Variants in BST1 observed in about 807,000 individuals in gnomAD.
BST1 encodes ADP-ribosyl cyclase/cyclic ADP-ribose hydrolase 2.
BST1 carries 49 observed loss-of-function variants against 40.6 expected under a neutral mutation model. The observed-to-expected ratio is 1.21, with a 90% CI of 0.96 to 1.53. The LOEUF is 1.53. BST1 is among the 40% of genes most tolerant of loss of function. The pLI, the probability that BST1 is intolerant of heterozygous loss-of-function variation, is 0.00. For synonymous variants in BST1, 157 were observed against 159.3 expected, an observed-to-expected ratio of 0.99 and a Z score of 0.11; for missense variants, 423 against 395.9, an observed-to-expected ratio of 1.07 and a Z score of -0.58.
chr4:15,735,962 A>T (rs1231589981), downstream of BST1: 1 of 729,278 alleles, frequency 1.4e-6, no homozygotes, highest in East Asian at 6.8e-5. Flanking sequence ...ATACAGAAAA[A>T]TTAGGAAGAA....
At chr4:15,730,299 G>T (rs1157572040) in intron 8 of BST1, among the ~76,000 whole-genome samples, 1 of 152,206 alleles carries the variant, frequency 6.6e-6, no homozygotes, top group Non-Finnish European at 1.5e-5. Flanking sequence ...AAAGAATTCA[G>T]TAATTTCTGT....
intron 8 of BST1, chr4:15,731,100 GT>G: frequency 2.2e-6 from 1 of 448,818 alleles, no homozygotes; most frequent in Non-Finnish European, 4.2e-6. Flanking sequence ...CAAGCTCATT[GT>G]CTGTCCTTTT....
chr4:15,711,203 G>C (rs995465215), intron 3 of BST1, among the ~76,000 whole-genome samples: 2 of 152,162 alleles, frequency 1.3e-5, no homozygotes, highest in African/African-American at 4.8e-5. Flanking sequence ...TTGTAGATTA[G>C]AAATTTTTTT....
intron 1 of BST1, among the ~76,000 whole-genome samples, chr4:15,704,520 G>A (rs1719769666): frequency 6.6e-6 from 1 of 151,234 alleles, no homozygotes; most frequent in Admixed American, 6.6e-5. Context: ...AGGTGTGTGT[G>A]TGTGGTCTAT....
At chr4:15,714,026 A>AT (rs1271887794) in intron 4 of BST1, among the ~76,000 whole-genome samples, 3 of 151,418 alleles carry the variant, frequency 2.0e-5, no homozygotes, top group Admixed American at 1.3e-4. Context: ...TTTTTTTAAT[A>AT]TTTTTTTCTT....
intron 1 of BST1, among the ~76,000 whole-genome samples, chr4:15,703,910 G>A: frequency 6.8e-6 from 1 of 146,414 alleles, no homozygotes; most frequent in South Asian, 2.2e-4. Flanking sequence ...GTGCGCTCTA[G>A]AGGTGAGGGG....
chr4:15,749,935 C>CTTTTTTTTTTT, the BST1 span, among the ~76,000 whole-genome samples: 3 of 137,762 alleles, frequency 2.2e-5, no homozygotes, highest in Non-Finnish European at 3.2e-5. Flanking sequence ...TCATTCTTTT[C>CTTTTTTTTTTT]TTTTTTTTTT....
chr4:15,757,645 T>C, the BST1 span, among the ~76,000 whole-genome samples: 1 of 152,144 alleles, frequency 6.6e-6, no homozygotes, highest in Non-Finnish European at 1.5e-5. Flanking sequence ...TTTATTTATT[T>C]ATTTATTTAT....
chr4:15,722,469 C>A (rs1720857773), intron 7 of BST1, among the ~76,000 whole-genome samples: 1 of 152,168 alleles, frequency 6.6e-6, no homozygotes, highest in Non-Finnish European at 1.5e-5. Flanking sequence ...ACTCTGTTAT[C>A]CAGGCTGGAG....
the BST1 span, among the ~76,000 whole-genome samples, chr4:15,747,569 A>AT: frequency 6.6e-6 from 1 of 152,192 alleles, no homozygotes; most frequent in Admixed American, 6.5e-5. Flanking sequence ...TCTTGGAAAC[A>AT]TTGTCAGCGA....
At chr4:15,754,629 T>C in the BST1 span, among the ~76,000 whole-genome samples, 2 of 152,198 alleles carry the variant, frequency 1.3e-5, no homozygotes, top group Admixed American at 6.5e-5. Flanking sequence ...TGATGAAGTA[T>C]TTGATAAGCA....
At chr4:15,713,397 G>A (rs1396552660) in intron 4 of BST1, among the ~76,000 whole-genome samples, 1 of 151,670 alleles carries the variant, frequency 6.6e-6, no homozygotes, top group Non-Finnish European at 1.5e-5. Flanking sequence ...TATTGGCCAG[G>A]ATGGTCTTGA....
At position 15,707,865 on chromosome 4, in the gene BST1, A is replaced by C. The variant is rs542140247; in HGVS notation, c.451+219A>C. Among the ~76,000 whole-genome samples, 469 of 129,710 alleles carry C rather than the reference A, an allele frequency of 3.6e-3. 4 individuals carry two copies. Among genetic ancestry groups the C allele is most frequent in the Non-Finnish European group, 5.5e-3 (328 of 59,606 alleles). The allele number at this position is 129,710 out of a possible 152,430, so 85.1% of individuals were successfully genotyped here. On this transcript the variant is annotated intron_variant, in intron 3 of 8. Transcript: ENST00000265016. ...TCTCTCTCTCTCTCTCTATATATAT[A>C]TATATATATACACATATATATACAC... is the stretch of plus-strand genomic sequence containing the variant.
At chr4:15,760,267 T>A in the BST1 span, among the ~76,000 whole-genome samples, 1 of 152,000 alleles carries the variant, frequency 6.6e-6, no homozygotes, top group Non-Finnish European at 1.5e-5. Flanking sequence ...ATTTCATTTT[T>A]TTTTTTGGCT....
intron 8 of BST1, chr4:15,731,280 CAGA>C (rs1452575767): frequency 2.0e-6 from 1 of 507,574 alleles, no homozygotes; most frequent in Non-Finnish European, 3.5e-6. Context: ...TCTGCTTGAT[CAGA>C]GACTCTGAGG....
chr4:15,724,064 G>A (rs1447489082), intron 8 of BST1, among the ~76,000 whole-genome samples: 1 of 152,156 alleles, frequency 6.6e-6, no homozygotes, highest in Non-Finnish European at 1.5e-5. Context: ...TGCTCTGTGA[G>A]GCTTTCCTCA....
At chr4:15,765,466 CA>C in the BST1 span, among the ~76,000 whole-genome samples, 1 of 151,992 alleles carries the variant, frequency 6.6e-6, no homozygotes, top group South Asian at 2.1e-4. Context: ...TTCTGCTCAA[CA>C]AACAGCCAGA....
At chr4:15,705,755 A>G in intron 2 of BST1, 114 bp downstream of exon 2, 1 of 1,373,238 alleles carries the variant, frequency 7.3e-7, no homozygotes, top group South Asian at 1.2e-5. Flanking sequence ...TCACAGAAAC[A>G]TCAGGCAGCA....
intron 7 of BST1, among the ~76,000 whole-genome samples, chr4:15,721,045 G>C (rs1363353239): frequency 6.6e-6 from 1 of 152,128 alleles, no homozygotes; most frequent in Non-Finnish European, 1.5e-5. Flanking sequence ...GTCAGCCTCA[G>C]GGCTCTTCTC....
Sources: gnomAD v4.1 joint callset for allele counts (sites outside exome capture counted in the v4.1 genomes callset) on GRCh38, gnomAD v4.1.1 for gene constraint, MANE v1.5 for transcripts, NCBI Gene and HGNC (gene_info 2026-07-23, HGNC 2026-07-21) for gene names.